OPRM1: variants seen among roughly 807,000 people sequenced by gnomAD.
The protein encoded by OPRM1 is mu-type opioid receptor.
OPRM1 carries 27 observed loss-of-function variants against 31.8 expected under a neutral mutation model. That is an observed-to-expected ratio of 0.85 (90% CI 0.63 to 1.17). The LOEUF (loss-of-function observed/expected upper bound fraction) is 1.17. Among genes scored for constraint, OPRM1 ranks in the 50% most tolerant of loss-of-function variants. The probability of loss-of-function intolerance (pLI) is 0.00; values close to 1 mark genes in which losing one functional copy is unlikely to be tolerated. For synonymous variants in OPRM1, 196 were observed against 189.9 expected (o/e 1.03, Z -0.26); for missense variants, 536 against 511.1 (o/e 1.05, Z -0.47).
chr6:154,193,944 C>A (rs960012996), intron 3 of OPRM1, among the ~76,000 whole-genome samples: 2 of 139,848 alleles, frequency 1.4e-5, no homozygotes, highest in Non-Finnish European at 3.1e-5. Flanking sequence ...GGATGTCCAA[C>A]ATAACAGACT....
Position 154,131,499 on chromosome 6 carries a change from G to A in OPRM1, c.*12778G>A, listed in dbSNP as rs954745271. 6.6e-6 allele frequency among the ~76,000 whole-genome samples: 1 copy of A among 152,218 alleles called. No individual in the cohort carries two copies. The highest frequency in any genetic ancestry group is 2.4e-5 in the African/African-American group (1 of 41,458). ...GCAGAATTAATTCGTTTCCTTGACA[G>A]TGTTGGGGGTGAAATAAAAGATAGA... On this transcript the variant is annotated 3_prime_UTR_variant, in exon 4 of 4. Coordinates refer to ENST00000330432, the MANE Select transcript of OPRM1 (RefSeq NM_000914.5).
intron 1 of OPRM1, among the ~76,000 whole-genome samples, chr6:154,055,494 C>T (rs1223312838): frequency 2.0e-4 from 31 of 152,116 alleles, no homozygotes; most frequent in Non-Finnish European, 4.4e-4. Context: ...ATGCAACCTA[C>T]CAACACTCAC....
At chr6:154,088,383 T>G (rs1345076699) in intron 1 of OPRM1, among the ~76,000 whole-genome samples, 1 of 152,216 alleles carries the variant, frequency 6.6e-6, no homozygotes, top group Non-Finnish European at 1.5e-5. Flanking sequence ...AAGACACTTT[T>G]GGGAGCAATT....
rs147086966 is a variant in OPRM1 at position 154,189,426 on chromosome 6, T to C, written c.1165-57267T>C. Among the ~76,000 whole-genome samples, 26 of 152,094 alleles carry C rather than the reference T, an allele frequency of 1.7e-4. No homozygotes were observed. In the East Asian group the frequency reaches 4.8e-3, roughly 28 times the overall value. On this transcript the variant is annotated intron_variant, in intron 3 of 3. Coordinates refer to the OPRM1 transcript ENST00000337049. Reference sequence around the variant, plus strand: ...AGGCATATGTGGACCAAAATACATATGTAAGAATTTTCATTAAGAGCATTT... The same window carrying C: ...AGGCATATGTGGACCAAAATACATACGTAAGAATTTTCATTAAGAGCATTT...
Position 154,127,278 on chromosome 6 carries a change from C to G in OPRM1, c.*8557C>G, listed in dbSNP as rs1422261772. On this transcript the variant is annotated 3_prime_UTR_variant, in exon 4 of 4. Coordinates refer to ENST00000330432, the MANE Select transcript of OPRM1 (RefSeq NM_000914.5). The stretch of plus-strand genomic sequence containing the variant: ...CTTTGAAATCAGTGGCCATTATCAT[C>G]TAAGGATTCCGCCAGAGACTTCCAA... Among the ~76,000 whole-genome samples the G allele has an allele frequency of 2.6e-5, 4 of 152,126 alleles. No homozygotes were observed. Among genetic ancestry groups the G allele is most frequent in the Admixed American group, 2.6e-4 (4 of 15,276 alleles).
downstream of OPRM1, among the ~76,000 whole-genome samples, chr6:154,137,276 T>C (rs2128536677): frequency 6.6e-6 from 1 of 152,298 alleles, no homozygotes; most frequent in South Asian, 2.1e-4. Context: ...ATTACATCTA[T>C]GTACAGTGAT....
At position 154,213,058 on chromosome 6, in the gene OPRM1, C is replaced by T. The variant is rs540875923; in HGVS notation, c.1165-33635C>T. On this transcript the variant is annotated intron_variant, in intron 3 of 3. Coordinates refer to the OPRM1 transcript ENST00000337049. Reference sequence around the variant, plus strand: ...AAATGGCCAATTCGGGGCTCCTGACCTCAAAGAGCATCCAATATGCAGGAA... The same window carrying T: ...AAATGGCCAATTCGGGGCTCCTGACTTCAAAGAGCATCCAATATGCAGGAA... 69 of 543,792 alleles carry T rather than the reference C, an allele frequency of 1.3e-4. 1 individual carries two copies. In the South Asian group the frequency reaches 1.8e-3, roughly 14 times the overall value. The allele number at this position is 543,792 out of a possible 1,614,324, so 33.7% of individuals were successfully genotyped here.
chr6:154,053,491 G>T (rs946158035), intron 1 of OPRM1, among the ~76,000 whole-genome samples: 2 of 152,164 alleles, frequency 1.3e-5, no homozygotes, highest in South Asian at 4.1e-4. Flanking sequence ...CTCAGAAGTT[G>T]CTTTGGAAAA....
chr6:154,067,900 CT>C (rs570089844), intron 1 of OPRM1, among the ~76,000 whole-genome samples: 1 of 151,988 alleles, frequency 6.6e-6, no homozygotes, highest in Non-Finnish European at 1.5e-5. Context: ...CACTTGTAAA[CT>C]TTTTTTATTT....
intron 1 of OPRM1, among the ~76,000 whole-genome samples, chr6:154,046,096 C>T (rs528314894): frequency 5.3e-5 from 8 of 152,274 alleles, no homozygotes; most frequent in Admixed American, 4.6e-4. Flanking sequence ...GGTGACTATA[C>T]GTTAGCACAG....
At chr6:154,117,513 G>A (rs1354946697) in intron 3 of OPRM1, among the ~76,000 whole-genome samples, 2 of 152,148 alleles carry the variant, frequency 1.3e-5, no homozygotes, top group Non-Finnish European at 2.9e-5. Flanking sequence ...CCAGACTGCA[G>A]TACACACACA....
At chr6:154,048,415 T>A (rs1781573752) in intron 1 of OPRM1, among the ~76,000 whole-genome samples, 1 of 152,148 alleles carries the variant, frequency 6.6e-6, no homozygotes, top group Admixed American at 6.6e-5. Context: ...CTACAACCAA[T>A]TTCCCTGCAA....
intron 3 of OPRM1, among the ~76,000 whole-genome samples, chr6:154,189,968 T>C (rs1756053999): frequency 6.6e-6 from 1 of 151,930 alleles, no homozygotes; most frequent in South Asian, 2.1e-4. Flanking sequence ...CATCACACCG[T>C]ACCACATTAA....
intron 1 of OPRM1, among the ~76,000 whole-genome samples, chr6:154,082,440 T>C (rs959054237): frequency 2.6e-5 from 4 of 152,186 alleles, no homozygotes; most frequent in Non-Finnish European, 5.9e-5. Flanking sequence ...ATTTTACTAG[T>C]AGTCTAAACT....
At chr6:154,071,504 CTA>C (rs68171834) in intron 1 of OPRM1, among the ~76,000 whole-genome samples, 4,602 of 152,204 alleles carry the variant, frequency 0.03, 106 homozygotes, top group East Asian at 0.093. Context: ...CAAGTACACT[CTA>C]TTATCCATGC....
intron 1 of OPRM1, among the ~76,000 whole-genome samples, chr6:154,019,102 TACAA>T (rs1164713048): frequency 6.6e-6 from 1 of 151,548 alleles, no homozygotes; most frequent in Non-Finnish European, 1.5e-5. Context: ...ATTTTTGTGT[TACAA>T]ACAATCCAAT....
rs1779533305 is a variant in OPRM1 at position 154,039,297 on chromosome 6, G to A, written c.-248G>A. The A allele has an allele frequency of 1.3e-6, 2 of 1,551,182 alleles. No individual in the cohort carries two copies. Among genetic ancestry groups the A allele is most frequent in the African/African-American group, 2.7e-5 (2 of 73,154 alleles). On this transcript the variant is annotated 5_prime_UTR_variant, in exon 1 of 4. Transcript: ENST00000330432. ...GCCCACGCTCCCCTCCTGCAGCGGT[G>A]CGGGGCAGGTGATGAGCCTCTGTGA...
chr6:154,132,409 G>C (rs529021564), downstream of OPRM1, among the ~76,000 whole-genome samples: 7 of 152,218 alleles, frequency 4.6e-5, no homozygotes, highest in South Asian at 2.1e-4. Context: ...TGTTTTAAAA[G>C]AATATTCCCC....
intron 3 of OPRM1, chr6:154,093,210 A>T (rs1347537120): frequency 6.8e-7 from 1 of 1,479,052 alleles, no homozygotes; most frequent in Non-Finnish European, 9.2e-7. Flanking sequence ...CTTTGAAGTA[A>T]AATATTTCCA....
Sources: allele counts gnomAD v4.1 joint callset (sites outside exome capture counted in the v4.1 genomes callset), GRCh38; gene constraint gnomAD v4.1.1; transcripts MANE v1.5; gene names NCBI Gene and HGNC (gene_info 2026-07-23, HGNC 2026-07-21).